The following GATAD1 variants were observed in gnomAD, a reference collection of about 807,000 sequenced individuals.
The protein encoded by GATAD1 is GATA zinc finger domain-containing protein 1.
In GATAD1, 12 loss-of-function variants were observed where a neutral mutation model predicts 26.5. The ratio of observed to expected loss-of-function variants is 0.45; its 90% confidence interval spans 0.29 to 0.73. The LOEUF is 0.73. Ranked by LOEUF, GATAD1 falls within the 30% of genes least tolerant of loss-of-function variation. The pLI is 0.10. For missense variants in GATAD1, 266 were observed against 342.1 expected (o/e 0.78, Z 1.75); for synonymous variants, 129 against 133.1 (o/e 0.97, Z 0.21).
In GATAD1 at chr7:92,447,853, G is replaced by T; in HGVS notation, c.124G>T (p.Gly42Trp). 7.2e-7 allele frequency: 1 copy of T among 1,381,860 alleles called. No homozygotes were observed. The highest frequency in any genetic ancestry group is 9.4e-7 in the Non-Finnish European group (1 of 1,063,312). 85.6% of individuals were successfully genotyped at this position (1,381,860 alleles called of 1,614,324 possible). A position where few individuals can be genotyped will look rare whatever the true frequency, so the allele number is the denominator to read the frequency against. The change falls in exon 1 of 5, where the codon GGG becomes TGG. Residue 42 changes from glycine to tryptophan, a missense_variant. Physicochemically the swap from Gly to Trp is radical, Grantham distance 184. Coordinates refer to ENST00000287957, the MANE Select transcript of GATAD1 (RefSeq NM_021167.5). ...HCTGRGGAGS[G>W]GAGSGAAGGT... ...CACTGGCCGGGGCGGCGCGGGCAGC[G>T]GGGGCGCAGGCTCGGGGGCGGCTGG...
At chr7:92,462,055 T>C (rs1187886607), downstream of GATAD1, among the ~76,000 whole-genome samples, 1 of 152,220 alleles carries the variant, frequency 6.6e-6, no homozygotes. Context: ...GCAATATGTA[T>C]CTATAATCTT....
At position 92,450,645 on chromosome 7, in the gene GATAD1, A is replaced by G. The variant is rs191104636; in HGVS notation, c.376-56A>G. On this transcript the variant is annotated intron_variant, in intron 2 of 4. Transcript: ENST00000287957. ...GCAGAACTCTCATAGGGCTGGGAAA[A>G]TGCCTGTAGACACATACATACTATG... 753 of 1,149,752 alleles carry G rather than the reference A, an allele frequency of 6.5e-4. 6 individuals carry two copies. The African/African-American group carries it at 0.011, about 16-fold the overall frequency. The allele number at this position is 1,149,752 out of a possible 1,614,324, so 71.2% of individuals were successfully genotyped here.
chr7:92,490,826 C>T, the GATAD1 span, among the ~76,000 whole-genome samples: 1 of 152,136 alleles, frequency 6.6e-6, no homozygotes, highest in African/African-American at 2.4e-5. Context: ...AAACACTTTC[C>T]TGTTGAAACA....
chr7:92,490,293 C>T, the GATAD1 span: 16 of 242,562 alleles, frequency 6.6e-5, no homozygotes, highest in African/African-American at 3.7e-4. Context: ...AATTAAACCA[C>T]CACCTTACTG....
At chr7:92,469,430 C>T in the GATAD1 span, 4 of 771,688 alleles carry the variant, frequency 5.2e-6, no homozygotes, top group East Asian at 2.4e-5. Flanking sequence ...AGAATGGGTA[C>T]TCTTTTGTTG....
the GATAD1 span, chr7:92,468,497 A>G: frequency 2.4e-5 from 7 of 290,154 alleles, no homozygotes; most frequent in Admixed American, 4.7e-5. Flanking sequence ...TATCCCGATC[A>G]TTGTCCCTCC....
rs560943972 is a variant in GATAD1 at position 92,447,620 on chromosome 7, C to T, written c.-110C>T. The T allele has an allele frequency of 4.5e-5, 58 of 1,300,760 alleles. 1 individual carries two copies. The highest frequency in any genetic ancestry group is 2.5e-4 in the Admixed American group (6 of 23,606). The allele number at this position is 1,300,760 out of a possible 1,614,324, so 80.6% of individuals were successfully genotyped here. ...TCACCGGCAGCTCCGTGCCGACGCTCTCACCGCTCTTCCTATCGCCGGGAG... is the reference window on the plus strand; with the variant it reads ...TCACCGGCAGCTCCGTGCCGACGCTTTCACCGCTCTTCCTATCGCCGGGAG... On this transcript the variant is annotated 5_prime_UTR_variant, in exon 1 of 5. Transcript: ENST00000287957.
chr7:92,448,748 A>T lies in GATAD1; in HGVS notation c.250-4A>T. On this transcript the variant is annotated splice_polypyrimidine_tract_variant and splice_region_variant and intron_variant, in intron 1 of 4. Transcript: ENST00000287957. ...TTTTGTTCTTTAATTTGTTTGTGTA[A>T]CAGAGTAAGCAGGAAATTCACAGGA... The T allele has an allele frequency of 6.2e-7, 1 of 1,610,308 alleles. No individual in the cohort carries two copies. Among genetic ancestry groups the T allele is most frequent in the Non-Finnish European group, 8.5e-7 (1 of 1,176,592 alleles).
chr7:92,463,173 T>A (rs1470808525), downstream of GATAD1: 1 of 152,224 alleles, frequency 6.6e-6, no homozygotes, highest in African/African-American at 2.4e-5. Context: ...TATGAGTTAG[T>A]TACCTAGAAT....
chr7:92,483,767 G>C, the GATAD1 span, among the ~76,000 whole-genome samples: 3 of 152,212 alleles, frequency 2.0e-5, no homozygotes, highest in African/African-American at 7.2e-5. Context: ...GTCACAGAAC[G>C]AAACTGTAAG....
At chr7:92,479,360 G>T in the GATAD1 span, among the ~76,000 whole-genome samples, 12 of 152,160 alleles carry the variant, frequency 7.9e-5, no homozygotes, top group Non-Finnish European at 1.3e-4. Context: ...AGGGGCAGGG[G>T]TCACAAGGTG....
At chr7:92,492,939 C>A in the GATAD1 span, 2 of 1,601,636 alleles carry the variant, frequency 1.2e-6, no homozygotes, top group South Asian at 2.2e-5. Flanking sequence ...TAACAACTTC[C>A]TCATATAACT....
At chr7:92,448,513 C>G (rs1283751206) in intron 1 of GATAD1, among the ~76,000 whole-genome samples, 3 of 152,184 alleles carry the variant, frequency 2.0e-5, no homozygotes, top group Admixed American at 6.5e-5. Flanking sequence ...GCAGCTCACA[C>G]CTTTTGGAGG....
the GATAD1 span, among the ~76,000 whole-genome samples, chr7:92,466,795 G>C: frequency 6.6e-6 from 1 of 152,182 alleles, no homozygotes; most frequent in South Asian, 2.1e-4. Flanking sequence ...GTGACCACTT[G>C]TGTTATCTAA....
chr7:92,460,489 C>T (rs775043493), downstream of GATAD1, among the ~76,000 whole-genome samples: 1 of 152,098 alleles, frequency 6.6e-6, no homozygotes, highest in Non-Finnish European at 1.5e-5. Flanking sequence ...TGCATAAATG[C>T]ACAGTAATTT....
chr7:92,456,021 GTC>G (rs908154000), intron 4 of GATAD1, among the ~76,000 whole-genome samples: 1 of 152,164 alleles, frequency 6.6e-6, no homozygotes, highest in Non-Finnish European at 1.5e-5. Flanking sequence ...AAGTTTCTTA[GTC>G]TCTCTTGCCT....
At chr7:92,463,663 A>C (rs1305713396), downstream of GATAD1, among the ~76,000 whole-genome samples, 1 of 118,180 alleles carries the variant, frequency 8.5e-6, no homozygotes, top group Non-Finnish European at 1.9e-5. Context: ...ATTCCGTCTC[A>C]AAAAAAAAAA....
At chr7:92,449,435 G>A (rs896166790) in intron 2 of GATAD1, 1 of 979,320 alleles carries the variant, frequency 1.0e-6, no homozygotes, top group Non-Finnish European at 1.2e-6. Flanking sequence ...TGTGCTGGAA[G>A]TAGTTGAAAG....
the GATAD1 span, chr7:92,470,782 G>C: frequency 5.7e-6 from 1 of 174,112 alleles, no homozygotes; most frequent in East Asian, 1.9e-4. Flanking sequence ...TCAAGCACAA[G>C]GTCATTGGTT....
Sources: allele counts gnomAD v4.1 joint callset (sites outside exome capture counted in the v4.1 genomes callset), GRCh38; gene constraint gnomAD v4.1.1; transcripts MANE v1.5; gene names NCBI Gene and HGNC (gene_info 2026-07-23, HGNC 2026-07-21).